PNCK: variants seen among roughly 807,000 people sequenced by gnomAD.
PNCK encodes the protein pregnancy up-regulated nonubiquitous CaM kinase.
In PNCK, 21 loss-of-function variants were observed where a neutral mutation model predicts 28.3. The observed-to-expected ratio is 0.74, with a 90% CI of 0.53 to 1.07. PNCK has a LOEUF of 1.07. Ranked by LOEUF, PNCK falls within the 50% of genes least tolerant of loss-of-function variation. The pLI, the probability that PNCK is intolerant of heterozygous loss-of-function variation, is 0.00. For synonymous variants in PNCK, 136 were observed against 125.2 expected, an observed-to-expected ratio of 1.09 and a Z score of -0.58; for missense variants, 250 against 298.3, an observed-to-expected ratio of 0.84 and a Z score of 1.19.
At position 153,670,460 on chromosome X, in the gene PNCK, C is replaced by G; in HGVS notation, c.1029G>C (p.Trp343Cys). The G allele has an allele frequency of 1.7e-6, 2 of 1,211,640 alleles. No homozygotes were observed. The highest frequency in any genetic ancestry group is 2.2e-6 in the Non-Finnish European group (2 of 895,530). ...SGLRAGQPPKW is the reference protein window; with the variant it reads ...SGLRAGQPPKC ...TCCACCCAAACACACCTGGGCATCA[C>G]CACTTGGGGGGCTGGCCAGCACGGA... The change falls in exon 11 of 12, where the codon TGG becomes TGC. Residue 343 changes from tryptophan to cysteine, a missense_variant. Transcript: ENST00000340888.
At chrX:153,678,732 C>A (rs1453624171), upstream of PNCK, among the ~76,000 whole-genome samples, 1 of 111,503 alleles carries the variant, frequency 9.0e-6, no homozygotes, top group Non-Finnish European at 1.9e-5. Context: ...ACCATTACAG[C>A]ATCATACAGA....
upstream of PNCK, among the ~76,000 whole-genome samples, chrX:153,675,982 C>T (rs376130611): frequency 0.029 from 2,545 of 88,666 alleles, 95 homozygotes; most frequent in African/African-American, 0.1. Flanking sequence ...TCTTTTTTTT[C>T]TTTTCTTTTT....
intron 1 of PNCK, 62 bp downstream of exon 1, chrX:153,673,718 C>A: frequency 1.5e-6 from 1 of 662,536 alleles, no homozygotes; most frequent in South Asian, 7.6e-5. Flanking sequence ...CTGCGGCGGC[C>A]GCGGGCCGGA....
At chrX:153,684,426 G>A (rs1485781048) in intron 1 of PNCK, among the ~76,000 whole-genome samples, 2 of 112,171 alleles carry the variant, frequency 1.8e-5, no homozygotes, top group African/African-American at 3.2e-5. Flanking sequence ...TGGGAAGGGC[G>A]CGGGTGGGGG....
At chrX:153,682,475 C>T (rs782187892) in intron 1 of PNCK, among the ~76,000 whole-genome samples, 1 of 111,961 alleles carries the variant, frequency 8.9e-6, no homozygotes, top group South Asian at 3.7e-4. Context: ...GACAAGGTTT[C>T]GCTATGTTGC....
upstream of PNCK, among the ~76,000 whole-genome samples, chrX:153,679,879 C>T (rs181386195): frequency 9.1e-6 from 1 of 110,220 alleles, no homozygotes; most frequent in Non-Finnish European, 1.9e-5. Context: ...GCCAAGACCC[C>T]ATCTTCTTCA....
At chrX:153,674,000 G>A, upstream of PNCK, 1 of 1,169,852 alleles carries the variant, frequency 8.5e-7, no homozygotes. Context: ...CGCTCGCGCC[G>A]CCTCCCGGAG....
upstream of PNCK, among the ~76,000 whole-genome samples, chrX:153,677,740 T>A (rs200353659): frequency 2.5e-5 from 2 of 81,474 alleles, no homozygotes; most frequent in Non-Finnish European, 4.9e-5. Flanking sequence ...GTATATATAG[T>A]GTGTATATAT....
chrX:153,676,875 AAAAAG>A (rs1243459913), upstream of PNCK, among the ~76,000 whole-genome samples: 3 of 110,680 alleles, frequency 2.7e-5, no homozygotes, highest in African/African-American at 6.6e-5. Flanking sequence ...AAAAAAAAAA[AAAAAG>A]AAAGAAAGAA....
chrX:153,686,636 C>A (rs2091421244), intron 1 of PNCK: 1 of 112,410 alleles, frequency 8.9e-6, no homozygotes, highest in Non-Finnish European at 1.9e-5. Flanking sequence ...TTCTCTAATG[C>A]CCCTGTCTCC....
intron 1 of PNCK, chrX:153,687,313 G>A (rs1251336947): frequency 2.0e-5 from 6 of 293,425 alleles, no homozygotes; most frequent in Non-Finnish European, 3.3e-5. Flanking sequence ...AGGCAGGGGT[G>A]GGGGCCGCCG....
intron 1 of PNCK, among the ~76,000 whole-genome samples, chrX:153,685,377 C>A (rs782147722): frequency 9.1e-6 from 1 of 110,412 alleles, no homozygotes; most frequent in African/African-American, 3.3e-5. Flanking sequence ...ACTGGCCGCC[C>A]GGGTCAGAGC....
upstream of PNCK, among the ~76,000 whole-genome samples, chrX:153,678,025 A>T (rs1227014854): frequency 9.6e-6 from 1 of 104,600 alleles, no homozygotes; most frequent in Non-Finnish European, 2.0e-5. Flanking sequence ...ACATCTATAA[A>T]CAGATACACA....
At chrX:153,677,620 A>G (rs782449066), upstream of PNCK, among the ~76,000 whole-genome samples, 90 of 97,819 alleles carry the variant, frequency 9.2e-4, 1 homozygote, top group Middle Eastern at 5.5e-3. Context: ...TATATAGTGT[A>G]TATATATAGT....
chrX:153,679,697 G>A (rs1356747204), upstream of PNCK, among the ~76,000 whole-genome samples: 11 of 103,587 alleles, frequency 1.1e-4, no homozygotes, highest in Admixed American at 4.3e-4. Context: ...TCAGCCTCCC[G>A]AGTAGCTGGG....
rs782696136 is a variant in PNCK at position 153,671,063 on chromosome X, C to T, written c.727+15G>A. The T allele has an allele frequency of 1.7e-6, 2 of 1,212,019 alleles. No individual in the cohort carries two copies. The highest frequency in any genetic ancestry group is 2.2e-6 in the Non-Finnish European group (2 of 895,429). ...CCTTGCATCACCTCCAAGCACGGGCCAGCCTCAAGCTCACCTGATTCTGAG... is the reference window on the plus strand; with the variant it reads ...CCTTGCATCACCTCCAAGCACGGGCTAGCCTCAAGCTCACCTGATTCTGAG... On this transcript the variant is annotated intron_variant, in intron 8 of 11. Coordinates refer to ENST00000340888, the MANE Select transcript of PNCK (RefSeq NM_001366977.1).
chrX:153,671,442 GC>G, intron 6 of PNCK, 82 bp from the exon 7 acceptor site: 10 of 1,211,669 alleles, frequency 8.3e-6, no homozygotes, highest in Non-Finnish European at 1.1e-5. Flanking sequence ...GCCTACTCAA[GC>G]CCAGGAATGG....
upstream of PNCK, among the ~76,000 whole-genome samples, chrX:153,679,241 G>A (rs1433253764): frequency 1.8e-5 from 2 of 110,607 alleles, no homozygotes; most frequent in African/African-American, 6.6e-5. Flanking sequence ...ACTTAGCTTC[G>A]GAAGGAACTG....
At chrX:153,684,625 G>A (rs2091409541) in intron 1 of PNCK, among the ~76,000 whole-genome samples, 1 of 110,837 alleles carries the variant, frequency 9.0e-6, no homozygotes, top group African/African-American at 3.3e-5. Flanking sequence ...ATTGTGCCCG[G>A]CTCGCCTTCA....
Sources: allele counts gnomAD v4.1 joint callset (sites outside exome capture counted in the v4.1 genomes callset), GRCh38; gene constraint gnomAD v4.1.1; transcripts MANE v1.5; gene names NCBI Gene and HGNC (gene_info 2026-07-23, HGNC 2026-07-21).